Variants in TESK2 observed in about 807,000 individuals in gnomAD.
TESK2 encodes dual specificity testis-specific protein kinase 2.
A neutral mutation model predicts 57.1 loss-of-function variants in TESK2; 39 were observed. That is an observed-to-expected ratio of 0.68 (90% CI 0.53 to 0.89). The LOEUF is 0.89. Among genes scored for constraint, TESK2 ranks in the 40% least tolerant of loss-of-function variants. The probability of loss-of-function intolerance (pLI) is 0.00; values close to 1 mark genes in which losing one functional copy is unlikely to be tolerated. For missense variants in TESK2, 646 were observed against 732.1 expected, an observed-to-expected ratio of 0.88 and a Z score of 1.36; for synonymous variants, 249 against 267.9, an observed-to-expected ratio of 0.93 and a Z score of 0.69.
chr1:45,490,851 C>T lies in TESK2; in HGVS notation c.-87+1G>A, dbSNP rs2149311542. Reference sequence around the variant, plus strand: ...TGACCCCCGTCCTCTTTTCACGTTACCTGAGGCAGGACTGAGCAGCCAGAG... The same window carrying T: ...TGACCCCCGTCCTCTTTTCACGTTATCTGAGGCAGGACTGAGCAGCCAGAG... On this transcript the variant is annotated splice_donor_variant, in intron 1 of 10. Transcript: ENST00000372086. LOFTEE classifies it low-confidence loss of function (5UTR_SPLICE). The T allele has an allele frequency of 6.5e-6, 1 of 153,002 alleles. No homozygotes were observed. Among genetic ancestry groups the T allele is most frequent in the Non-Finnish European group, 1.5e-5 (1 of 68,692 alleles). 9.5% of individuals were successfully genotyped at this position (153,002 alleles called of 1,614,324 possible). A position where few individuals can be genotyped will look rare whatever the true frequency, so the allele number is the denominator to read the frequency against.
At chr1:45,388,860 A>G (rs1165755521) in intron 3 of TESK2, among the ~76,000 whole-genome samples, 1 of 151,708 alleles carries the variant, frequency 6.6e-6, no homozygotes, top group African/African-American at 2.4e-5. Flanking sequence ...AGCTGGGACT[A>G]CAGGCGCCCG....
chr1:45,347,434 T>C (rs1570633483), intron 7 of TESK2, among the ~76,000 whole-genome samples, 175 bp downstream of exon 7: 1 of 152,038 alleles, frequency 6.6e-6, no homozygotes, highest in African/African-American at 2.4e-5. Flanking sequence ...GGCGTGGTGG[T>C]GCATGCCTGT....
At chr1:45,427,116 G>A (rs909552000) in intron 2 of TESK2, among the ~76,000 whole-genome samples, 7 of 151,674 alleles carry the variant, frequency 4.6e-5, no homozygotes, top group Admixed American at 2.0e-4. Flanking sequence ...GGTAGTGCAC[G>A]TCTGTAATTC....
At chr1:45,462,923 A>T (rs1167573669) in intron 1 of TESK2, among the ~76,000 whole-genome samples, 1 of 152,214 alleles carries the variant, frequency 6.6e-6, no homozygotes, top group African/African-American at 2.4e-5. Context: ...TTTGAATAAA[A>T]GCCATTTTAA....
intron 4 of TESK2, 150 bp from the exon 5 acceptor site, chr1:45,355,599 G>A: frequency 1.3e-6 from 1 of 769,792 alleles, no homozygotes; most frequent in Non-Finnish European, 2.0e-6. Context: ...ACTATGGTAG[G>A]TGCTGCACAC....
At chr1:45,354,469 A>G (rs1378727355) in intron 5 of TESK2, among the ~76,000 whole-genome samples, 2 of 152,130 alleles carry the variant, frequency 1.3e-5, no homozygotes, top group Non-Finnish European at 2.9e-5. Flanking sequence ...TACTAAAAAT[A>G]CAAAAAATTA....
At chr1:45,410,039 C>T (rs1570700600) in intron 3 of TESK2, among the ~76,000 whole-genome samples, 1 of 151,886 alleles carries the variant, frequency 6.6e-6, no homozygotes, top group African/African-American at 2.4e-5. Context: ...GTGACACATG[C>T]CTGTAATCCC....
intron 4 of TESK2, among the ~76,000 whole-genome samples, chr1:45,364,781 T>C (rs1348939919): frequency 6.6e-6 from 1 of 152,080 alleles, no homozygotes; most frequent in African/African-American, 2.4e-5. Context: ...GTGATAGATA[T>C]GAGAAATAAG....
chr1:45,396,807 T>G (rs1405702908), intron 3 of TESK2, among the ~76,000 whole-genome samples: 1 of 70,682 alleles, frequency 1.4e-5, no homozygotes, highest in African/African-American at 5.8e-5. Flanking sequence ...GCTAAGTTGT[T>G]TTTTTTTTTT....
chr1:45,448,535 G>T (rs1651736910), intron 2 of TESK2, among the ~76,000 whole-genome samples: 1 of 152,122 alleles, frequency 6.6e-6, no homozygotes, highest in Non-Finnish European at 1.5e-5. Context: ...AGGTGACGGG[G>T]TGGGGGCAGC....
chr1:45,481,627 C>A (rs1049444158), intron 1 of TESK2, among the ~76,000 whole-genome samples: 2 of 152,002 alleles, frequency 1.3e-5, no homozygotes, highest in African/African-American at 4.8e-5. Flanking sequence ...GTATTACATA[C>A]AGATTTTTTT....
At chr1:45,469,351 C>G (rs1325539862) in intron 1 of TESK2, among the ~76,000 whole-genome samples, 2 of 152,136 alleles carry the variant, frequency 1.3e-5, no homozygotes, top group African/African-American at 2.4e-5. Context: ...TACTACAGAC[C>G]ACGCATTCTA....
At chr1:45,373,393 T>C (rs1035436836) in intron 4 of TESK2, among the ~76,000 whole-genome samples, 1 of 152,244 alleles carries the variant, frequency 6.6e-6, no homozygotes, top group Non-Finnish European at 1.5e-5. Flanking sequence ...CTATCATTTG[T>C]AGAAGAGCCA....
At chr1:45,457,913 T>A in intron 1 of TESK2, 42 bp from the exon 2 acceptor site, 1 of 682,288 alleles carries the variant, frequency 1.5e-6, no homozygotes, top group Non-Finnish European at 2.5e-6. Context: ...CTTTAATGAA[T>A]AAATACATGT....
intron 3 of TESK2, among the ~76,000 whole-genome samples, chr1:45,409,094 A>G (rs1172785898): frequency 1.3e-5 from 2 of 152,170 alleles, no homozygotes; most frequent in African/African-American, 4.8e-5. Context: ...AATTGGCATC[A>G]GCTTCTAGAG....
At chr1:45,398,759 T>C (rs139754962) in intron 3 of TESK2, 1 of 267,776 alleles carries the variant, frequency 3.7e-6, no homozygotes, top group African/African-American at 2.2e-5. Flanking sequence ...GTGTTTATTA[T>C]AGTTGGTTAA....
At chr1:45,410,430 C>G (rs1649992992) in intron 3 of TESK2, among the ~76,000 whole-genome samples, 1 of 151,824 alleles carries the variant, frequency 6.6e-6, no homozygotes, top group Non-Finnish European at 1.5e-5. Flanking sequence ...ATGGTGAAAC[C>G]CTGTTTCTCC....
At position 45,345,884 on chromosome 1, in the gene TESK2, T is replaced by G; in HGVS notation, c.990A>C (p.Thr330=). The G allele has an allele frequency of 6.2e-7, 1 of 1,613,704 alleles. No homozygotes were observed. Among genetic ancestry groups the G allele is most frequent in the Non-Finnish European group, 8.5e-7 (1 of 1,179,708 alleles). The change falls in exon 10 of 11, where the codon ACA becomes ACC. Residue 330 remains threonine (T), a synonymous_variant. Coordinates refer to ENST00000372086, the MANE Select transcript of TESK2 (RefSeq NM_007170.3). ...CCTGGTCTAATCTCTTACCCCTGGC[T>G]GTGGGCTGCAGCTTCCTATCCCTCT... The part of the protein sequence containing the change: ...EQERDRKLQP[T]ARGLLEKAPG...
chr1:45,470,521 G>T (rs1293159585), intron 1 of TESK2, among the ~76,000 whole-genome samples: 1 of 152,108 alleles, frequency 6.6e-6, no homozygotes, highest in Non-Finnish European at 1.5e-5. Flanking sequence ...ATACACAATG[G>T]CATATATTAG....
Sources: gnomAD v4.1 joint callset for allele counts (sites outside exome capture counted in the v4.1 genomes callset) on GRCh38, gnomAD v4.1.1 for gene constraint, MANE v1.5 for transcripts, NCBI Gene and HGNC (gene_info 2026-07-23, HGNC 2026-07-21) for gene names.